AAMDC: variants seen among roughly 807,000 people sequenced by gnomAD.
The protein encoded by AAMDC is mth938 domain-containing protein.
Under a neutral mutation model 15.5 loss-of-function variants are expected in AAMDC, and 16 were observed. The ratio of observed to expected loss-of-function variants is 1.03; its 90% CI spans 0.70 to 1.57. The LOEUF is 1.57. Among genes scored for constraint, AAMDC ranks in the 40% most tolerant of loss-of-function variants. The pLI, the probability that AAMDC is intolerant of heterozygous loss-of-function variation, is 0.00. For synonymous variants in AAMDC, 51 were observed against 51.6 expected, an observed-to-expected ratio of 0.99 and a Z score of 0.05; for missense variants, 141 against 144.9, an observed-to-expected ratio of 0.97 and a Z score of 0.14.
At chr11:77,864,690 A>ACTGAATT (rs1037715592) in intron 2 of AAMDC, among the ~76,000 whole-genome samples, 1 of 152,190 alleles carries the variant, frequency 6.6e-6, no homozygotes, top group African/African-American at 2.4e-5. Flanking sequence ...GAATAGAATG[A>ACTGAATT]CTGAATTGCC....
chr11:77,900,897 T>C (rs1565232827), downstream of AAMDC: 4 of 445,096 alleles, frequency 9.0e-6, no homozygotes, highest in South Asian at 1.3e-4. Flanking sequence ...TTCATAGAAA[T>C]GCCATGAGGT....
intron 1 of AAMDC, among the ~76,000 whole-genome samples, chr11:77,841,506 T>C (rs1949929335): frequency 6.6e-6 from 1 of 152,166 alleles, no homozygotes; most frequent in African/African-American, 2.4e-5. Context: ...TCTCTACTGA[T>C]GGAACACTGT....
intron 2 of AAMDC, among the ~76,000 whole-genome samples, chr11:77,849,759 A>G (rs1283377954): frequency 2.0e-5 from 3 of 152,152 alleles, no homozygotes; most frequent in East Asian, 1.9e-4. Flanking sequence ...CAAACCTGTC[A>G]TGATCTTTCT....
intron 2 of AAMDC, among the ~76,000 whole-genome samples, chr11:77,864,864 C>T (rs539365751): frequency 6.6e-6 from 1 of 152,252 alleles, no homozygotes; most frequent in African/African-American, 2.4e-5. Flanking sequence ...GTATTCCCAG[C>T]TACTTGGGAG....
downstream of AAMDC, chr11:77,877,122 C>T: frequency 5.8e-6 from 4 of 685,422 alleles, no homozygotes; most frequent in South Asian, 6.2e-5. Flanking sequence ...CACTCATGAC[C>T]TCGTGGAAAT....
chr11:77,877,528 G>C lies in AAMDC; in HGVS notation c.328+479G>C, dbSNP rs1337808781. ...AGATGAGGAAACTGAGGCAGAGAGA[G>C]CTGAAGATTTGAAGGCTTTTTCCCA... On this transcript the variant is annotated intron_variant, in intron 5 of 5. Coordinates refer to the AAMDC transcript ENST00000304716. 2.0e-5 allele frequency among the ~76,000 whole-genome samples: 3 copies of C among 152,314 alleles called. No homozygotes were observed. In the East Asian group the frequency reaches 5.8e-4, roughly 29 times the overall value.
chr11:77,828,287 TACAC>T (rs1949268482), intron 1 of AAMDC, among the ~76,000 whole-genome samples: 2 of 148,972 alleles, frequency 1.3e-5, no homozygotes, highest in Admixed American at 1.3e-4. Context: ...AAAAACAAAA[TACAC>T]AAACAGCAAA....
chr11:77,872,989 C>A (rs1450326328), downstream of AAMDC, among the ~76,000 whole-genome samples: 6 of 152,162 alleles, frequency 3.9e-5, no homozygotes, highest in African/African-American at 1.4e-4. Flanking sequence ...TTGGGGCTGG[C>A]TAGATGCCCT....
At chr11:77,867,519 C>A (rs1414755594) in intron 2 of AAMDC, among the ~76,000 whole-genome samples, 2 of 152,164 alleles carry the variant, frequency 1.3e-5, no homozygotes, top group Non-Finnish European at 2.9e-5. Flanking sequence ...ATTGCTACTG[C>A]TTAGAAATAC....
intron 5 of AAMDC, among the ~76,000 whole-genome samples, chr11:77,898,915 G>A (rs1284028851): frequency 2.6e-5 from 4 of 152,184 alleles, no homozygotes; most frequent in Non-Finnish European, 5.9e-5. Flanking sequence ...AGCTACTTGG[G>A]AGGCTGAGGC....
chr11:77,890,839 A>G (rs1050115629), intron 5 of AAMDC, among the ~76,000 whole-genome samples: 1 of 152,238 alleles, frequency 6.6e-6, no homozygotes, highest in Non-Finnish European at 1.5e-5. Flanking sequence ...TGTCTCTACT[A>G]CATTTCTCAT....
At chr11:77,900,972 A>G (rs1952760781), downstream of AAMDC, among the ~76,000 whole-genome samples, 1 of 152,192 alleles carries the variant, frequency 6.6e-6, no homozygotes. Context: ...TAACCAAACA[A>G]CTAGTAAGTA....
At chr11:77,882,890 A>G (rs1027543891) in intron 5 of AAMDC, among the ~76,000 whole-genome samples, 2 of 152,050 alleles carry the variant, frequency 1.3e-5, no homozygotes, top group African/African-American at 2.4e-5. Flanking sequence ...GGCCAACATG[A>G]CGAAACCCTG....
chr11:77,902,920 G>A (rs1010825041), downstream of AAMDC, among the ~76,000 whole-genome samples: 8 of 152,116 alleles, frequency 5.3e-5, no homozygotes, highest in African/African-American at 1.9e-4. Context: ...AACTGAGTTG[G>A]GCTACATTTT....
chr11:77,888,463 T>C (rs1416614318), intron 5 of AAMDC, among the ~76,000 whole-genome samples: 2 of 152,116 alleles, frequency 1.3e-5, no homozygotes, highest in Non-Finnish European at 2.9e-5. Context: ...CCTAAAACCA[T>C]AAAAACCCTA....
downstream of AAMDC, among the ~76,000 whole-genome samples, chr11:77,874,104 A>G (rs1295828450): frequency 3.3e-5 from 5 of 152,332 alleles, no homozygotes; most frequent in East Asian, 9.6e-4. Flanking sequence ...TAAGTGGCAG[A>G]CGTAGGATTA....
intron 2 of AAMDC, among the ~76,000 whole-genome samples, chr11:77,843,432 C>T (rs922180177): frequency 6.6e-6 from 1 of 152,136 alleles, no homozygotes; most frequent in African/African-American, 2.4e-5. Context: ...TAAAGTCCTG[C>T]TCCTCCTGGG....
chr11:77,894,455 T>C (rs1793336), intron 5 of AAMDC: 426,291 of 601,174 alleles, frequency 0.71, 152,996 homozygotes, highest in African/African-American at 0.88. Flanking sequence ...TAGCATATTA[T>C]ACTATAAAAA....
At chr11:77,833,009 A>ATTTTTTT (rs781247642) in intron 1 of AAMDC, among the ~76,000 whole-genome samples, 7 of 60,034 alleles carry the variant, frequency 1.2e-4, no homozygotes, top group African/African-American at 2.8e-4. Context: ...ATATATATAT[A>ATTTTTTT]TTTTTTTTTT....
Sources: gnomAD v4.1 joint callset for allele counts (sites outside exome capture counted in the v4.1 genomes callset) on GRCh38, gnomAD v4.1.1 for gene constraint, MANE v1.5 for transcripts, NCBI Gene and HGNC (gene_info 2026-07-23, HGNC 2026-07-21) for gene names.